The following SDK1 variants were observed in gnomAD, a reference collection of about 807,000 sequenced individuals.
The protein encoded by SDK1 is sidekick cell adhesion molecule 1.
Under a neutral mutation model 245.5 loss-of-function variants are expected in SDK1, and 157 were observed. That is an observed-to-expected ratio of 0.64 (90% CI 0.56 to 0.73). The LOEUF (loss-of-function observed/expected upper bound fraction) is 0.73, where lower values mean the gene tolerates loss of function less well. Ranked by LOEUF, SDK1 falls within the 30% of genes least tolerant of loss-of-function variation. The pLI is 0.00. For missense variants in SDK1, 3,583 were observed against 3,002.3 expected (o/e 1.19, Z -4.52); for synonymous variants, 1,647 against 1,278.5 (o/e 1.29, Z -6.15).
At position 4,266,239 on chromosome 7, in the gene SDK1, G is replaced by A. The variant is rs1788462845; in HGVS notation, c.*855G>A. ...GCTTGTTACGTAGGAAGCGTGCATT[G>A]TTAACCAGAGTATTTTTAAAATCTT... On this transcript the variant is annotated 3_prime_UTR_variant, in exon 45 of 45. Coordinates refer to ENST00000404826, the MANE Select transcript of SDK1 (RefSeq NM_152744.4). 1 of 985,282 alleles carries A rather than the reference G, an allele frequency of 1.0e-6. No homozygotes were observed. Among genetic ancestry groups the A allele is most frequent in the Non-Finnish European group, 1.2e-6 (1 of 829,886 alleles). 61.0% of individuals were successfully genotyped at this position (985,282 alleles called of 1,614,324 possible).
chr7:3,656,088 C>T (rs1177602909), intron 4 of SDK1, among the ~76,000 whole-genome samples: 2 of 152,170 alleles, frequency 1.3e-5, no homozygotes, highest in African/African-American at 2.4e-5. Context: ...TATTCACAGC[C>T]AGCTGTTTCT....
intron 1 of SDK1, among the ~76,000 whole-genome samples, chr7:3,315,300 A>G (rs1378264930): frequency 1.3e-5 from 2 of 152,164 alleles, no homozygotes; most frequent in Non-Finnish European, 2.9e-5. Context: ...AAGGCCTTCA[A>G]GTTATACAGT....
At chr7:4,129,691 T>C (rs1784661537) in intron 26 of SDK1, 1 of 1,398,796 alleles carries the variant, frequency 7.1e-7, no homozygotes, top group Admixed American at 3.2e-5. Flanking sequence ...CCGTGGGCAC[T>C]AACTCAAGCT....
At position 3,492,377 on chromosome 7, in the gene SDK1, C is replaced by G. The variant is rs546848715; in HGVS notation, c.299-126703C>G. 2.4e-3 allele frequency among the ~76,000 whole-genome samples: 371 copies of G among 152,300 alleles called. 3 individuals are homozygous for G. Among genetic ancestry groups the G allele is most frequent in the South Asian group, 0.018 (87 of 4,818 alleles). On this transcript the variant is annotated intron_variant, in intron 1 of 44. Transcript: ENST00000404826. ...GGCATGGTGGCAGGCACCTGTAGTC[C>G]CAGCTACTCAGGAGGCTGAGGCAGG...
At chr7:3,801,876 C>CT (rs1203477701) in intron 4 of SDK1, among the ~76,000 whole-genome samples, 1 of 152,198 alleles carries the variant, frequency 6.6e-6, no homozygotes, top group Non-Finnish European at 1.5e-5. Flanking sequence ...ACATTTGTGT[C>CT]TCCCTGAAAA....
Position 3,564,101 on chromosome 7 carries a change from A to G in SDK1, c.299-54979A>G, listed in dbSNP as rs562243331. Among the ~76,000 whole-genome samples, 3 of 152,244 alleles carry G rather than the reference A, an allele frequency of 2.0e-5. No homozygotes were observed. In the East Asian group the frequency reaches 5.8e-4, roughly 29 times the overall value. On this transcript the variant is annotated intron_variant, in intron 1 of 44. Coordinates refer to ENST00000404826, the MANE Select transcript of SDK1 (RefSeq NM_152744.4). ...ACATAGTTTATTAAACATATAGTTT[A>G]TTAAATATTAGGAAACAAGAAAGAT...
chr7:4,139,829 G>A (rs888917486), intron 28 of SDK1, among the ~76,000 whole-genome samples: 86 of 152,192 alleles, frequency 5.7e-4, no homozygotes, highest in Non-Finnish European at 9.0e-4. Flanking sequence ...CACCGCATCA[G>A]AGGGCCTCGC....
intron 1 of SDK1, among the ~76,000 whole-genome samples, chr7:3,509,085 C>CGCGT (rs1554281969): frequency 2.7e-5 from 4 of 149,310 alleles, no homozygotes; most frequent in African/African-American, 7.5e-5. Flanking sequence ...TGTGTGTGTG[C>CGCGT]GTGTGTGTGT....
intron 2 of SDK1, among the ~76,000 whole-genome samples, chr7:3,620,506 T>A (rs192968049): frequency 1.1e-3 from 175 of 152,268 alleles, no homozygotes; most frequent in African/African-American, 3.9e-3. Flanking sequence ...TTTCACCATG[T>A]TGACCAGGCT....
At chr7:3,538,439 C>T (rs1161856285) in intron 1 of SDK1, among the ~76,000 whole-genome samples, 1 of 152,082 alleles carries the variant, frequency 6.6e-6, no homozygotes, top group Non-Finnish European at 1.5e-5. Flanking sequence ...ATCCTCTTCA[C>T]TCTGAGGCAA....
chr7:3,473,258 A>G (rs1452938030), intron 1 of SDK1, among the ~76,000 whole-genome samples: 3 of 152,178 alleles, frequency 2.0e-5, no homozygotes, highest in African/African-American at 7.2e-5. Context: ...CACTGTACAC[A>G]CTGCCTCTTA....
chr7:3,346,186 A>G (rs1052038469), intron 1 of SDK1, among the ~76,000 whole-genome samples: 1 of 152,118 alleles, frequency 6.6e-6, no homozygotes, highest in Non-Finnish European at 1.5e-5. Flanking sequence ...GCATGCACAA[A>G]TGCTGCTCAT....
intron 4 of SDK1, among the ~76,000 whole-genome samples, chr7:3,798,114 G>C (rs1051780110): frequency 6.7e-6 from 1 of 148,312 alleles, no homozygotes. Context: ...ATCTTTTCCT[G>C]TTCTGGGATC....
intron 4 of SDK1, among the ~76,000 whole-genome samples, chr7:3,705,578 G>A (rs1000426942): frequency 3.3e-5 from 5 of 151,766 alleles, no homozygotes; most frequent in Non-Finnish European, 7.4e-5. Flanking sequence ...ATGTAGCAAT[G>A]CTACTGATTG....
At chr7:3,972,898 A>G (rs1191179966) in intron 12 of SDK1, among the ~76,000 whole-genome samples, 3 of 152,366 alleles carry the variant, frequency 2.0e-5, no homozygotes, top group Non-Finnish European at 4.4e-5. Context: ...AAAACCAGCA[A>G]GTGAAAGACG....
At position 3,357,328 on chromosome 7, in the gene SDK1, G is replaced by GTTTTTTT. The variant is rs560124026; in HGVS notation, c.298+55477_298+55483dup. On this transcript the variant is annotated intron_variant, in intron 1 of 44. Coordinates refer to ENST00000404826, the MANE Select transcript of SDK1 (RefSeq NM_152744.4). ...TTACTCTTGCTCCCCTTCTTTTAGT[G>GTTTTTTT]TTTTTTTTTTTTTTTTTTTTTTTTT... 3.7e-3 allele frequency among the ~76,000 whole-genome samples: 195 copies of GTTTTTTT among 52,930 alleles called. 40 individuals carry two copies. The highest frequency in any genetic ancestry group is 9.3e-3 in the East Asian group (12 of 1,296). The allele number at this position is 52,930 out of a possible 152,430, so 34.7% of individuals were successfully genotyped here.
chr7:4,068,009 A>G (rs1780009185), intron 20 of SDK1, 73 bp downstream of exon 20: 1 of 1,072,314 alleles, frequency 9.3e-7, no homozygotes, highest in African/African-American at 1.6e-5. Context: ...GTCACTTCAA[A>G]CCAAACTGCT....
chr7:4,023,147 G>A (rs938661468), intron 17 of SDK1, among the ~76,000 whole-genome samples: 9 of 151,946 alleles, frequency 5.9e-5, no homozygotes, highest in African/African-American at 1.7e-4. Flanking sequence ...CCAGTTCTTC[G>A]CAAGCTCTCG....
chr7:4,200,010 G>T (rs1032749520), intron 35 of SDK1, among the ~76,000 whole-genome samples: 1 of 152,140 alleles, frequency 6.6e-6, no homozygotes, highest in Non-Finnish European at 1.5e-5. Context: ...CAGGAGAATA[G>T]CTTGAACCCA....
Sources: allele counts gnomAD v4.1 joint callset (sites outside exome capture counted in the v4.1 genomes callset), GRCh38; gene constraint gnomAD v4.1.1; transcripts MANE v1.5; gene names NCBI Gene and HGNC (gene_info 2026-07-23, HGNC 2026-07-21).